Variants in AZIN2 observed in about 807,000 individuals in gnomAD.
The protein encoded by AZIN2 is ODC antizyme inhibitor-2.
In AZIN2, 28 loss-of-function variants were observed where a neutral mutation model predicts 47.8. The ratio of observed to expected loss-of-function variants is 0.59; its 90% CI spans 0.43 to 0.80. The LOEUF is 0.80. AZIN2 is among the 30% of genes least tolerant of loss of function. The pLI is 0.00. For synonymous variants in AZIN2, 221 were observed against 239.4 expected (o/e 0.92, Z 0.71); for missense variants, 535 against 582.5 (o/e 0.92, Z 0.84).
At chr1:33,111,702 A>G (rs1324205255) in intron 10 of AZIN2, among the ~76,000 whole-genome samples, 7 of 151,866 alleles carry the variant, frequency 4.6e-5, no homozygotes, top group African/African-American at 1.7e-4. Context: ...CCCAGGTCCA[A>G]GCAATTCTCC....
At chr1:33,142,058 A>T in the AZIN2 span, 1 of 152,282 alleles carries the variant, frequency 6.6e-6, no homozygotes, top group Non-Finnish European at 1.5e-5. Flanking sequence ...AGGGGAAATA[A>T]CCGTGTCCTG....
intron 10 of AZIN2, among the ~76,000 whole-genome samples, chr1:33,104,759 G>A (rs1481810795): frequency 1.3e-5 from 2 of 152,114 alleles, no homozygotes; most frequent in African/African-American, 4.8e-5. Flanking sequence ...GAGTGCAGTG[G>A]CACAGTCATG....
At chr1:33,093,561 C>T (rs887718634) in intron 7 of AZIN2, 145 bp downstream of exon 7, 1 of 1,191,342 alleles carries the variant, frequency 8.4e-7, no homozygotes, top group East Asian at 2.6e-5. Context: ...AGAATTTCCT[C>T]TGTTTGAAAA....
downstream of AZIN2, among the ~76,000 whole-genome samples, chr1:33,126,856 T>C (rs1347319162): frequency 6.6e-6 from 1 of 152,222 alleles, no homozygotes. Flanking sequence ...TTGCAATATT[T>C]GGGATAGTCT....
intron 7 of AZIN2, among the ~76,000 whole-genome samples, chr1:33,093,731 C>CTTTTT (rs776963959): frequency 7.4e-6 from 1 of 134,674 alleles, no homozygotes; most frequent in African/African-American, 2.8e-5. Flanking sequence ...TTCTTTCTTT[C>CTTTTT]TTTTTTTTTT....
the AZIN2 span, chr1:33,158,238 T>TA: frequency 6.2e-7 from 1 of 1,606,744 alleles, no homozygotes; most frequent in South Asian, 1.1e-5. Flanking sequence ...TGGACCATGA[T>TA]AACCCATGCC....
At position 33,094,653 on chromosome 1, in the gene AZIN2, C is replaced by G. The variant is rs757547727; in HGVS notation, c.693C>G (p.His231Gln). The G allele has an allele frequency of 1.2e-5, 20 of 1,614,150 alleles. No homozygotes were observed. Among genetic ancestry groups the G allele is most frequent in the Non-Finnish European group, 1.6e-5 (19 of 1,180,030 alleles). The change falls in exon 8 of 12, where the codon CAC (histidine) becomes CAG (glutamine). Residue 231 changes from histidine (H) to glutamine (Q), a missense_variant. His to Gln is a conservative substitution (Grantham distance 24, BLOSUM62 0). Transcript: ENST00000294517. ...GCACCGAGCTGGGTCACAAGATGCA[C>G]GTTCTGGACCTTGGTGGTGGCTTCC... Reference protein sequence around the residue: ...EMGTELGHKMHVLDLGGGFPG... With the variant: ...EMGTELGHKMQVLDLGGGFPG...
At chr1:33,159,838 G>A in the AZIN2 span, 8 of 1,613,532 alleles carry the variant, frequency 5.0e-6, no homozygotes, top group East Asian at 2.2e-5. This position sits in a 1 kb window ranked among gnomAD's most constrained non-coding sequence, Gnocchi z 4.2. Flanking sequence ...CGTGCGGGCC[G>A]TGTCCGCCTC....
the AZIN2 span, chr1:33,158,209 G>T: frequency 6.4e-7 from 1 of 1,573,908 alleles, no homozygotes; most frequent in South Asian, 1.1e-5. Context: ...GCTGTGCTGG[G>T]ACATGCCCCA....
In AZIN2 at chr1:33,084,132, G is replaced by A; in HGVS notation, c.279+5G>A. 1 of 1,608,160 alleles carries A rather than the reference G, an allele frequency of 6.2e-7. No individual in the cohort carries two copies. Among genetic ancestry groups the A allele is most frequent in the Non-Finnish European group, 8.5e-7 (1 of 1,179,970 alleles). On this transcript the variant is annotated splice_donor_5th_base_variant and intron_variant, in intron 5 of 11. Coordinates refer to ENST00000294517, the MANE Select transcript of AZIN2 (RefSeq NM_052998.4). ...GGCTTTAGCTGTGCCAACAAGGTGAGCCCTGCCCGCACGGTGCACTGACCC... is the reference window on the plus strand; with the variant it reads ...GGCTTTAGCTGTGCCAACAAGGTGAACCCTGCCCGCACGGTGCACTGACCC...
intron 10 of AZIN2, among the ~76,000 whole-genome samples, chr1:33,108,585 C>T (rs765882950): frequency 4.6e-5 from 7 of 152,156 alleles, no homozygotes; most frequent in Admixed American, 6.5e-5. Flanking sequence ...TCAAGTGATT[C>T]GCCCACCTTG....
chr1:33,118,254 T>A, intron 11 of AZIN2, 138 bp downstream of exon 11: 1 of 963,700 alleles, frequency 1.0e-6, no homozygotes, highest in Non-Finnish European at 1.5e-6. Flanking sequence ...GTGAGGGATG[T>A]GCTTGGCACC....
At chr1:33,115,917 T>C (rs972337467) in intron 10 of AZIN2, among the ~76,000 whole-genome samples, 1 of 152,216 alleles carries the variant, frequency 6.6e-6, no homozygotes, top group Non-Finnish European at 1.5e-5. Context: ...TAGATTCATT[T>C]ATAGAGCATC....
chr1:33,148,104 AG>A, the AZIN2 span, among the ~76,000 whole-genome samples: 5 of 152,064 alleles, frequency 3.3e-5, no homozygotes, highest in African/African-American at 9.7e-5. Context: ...ACTGCCCCCT[AG>A]GGGGAATGGG....
chr1:33,084,894 A>G (rs1641714787), intron 5 of AZIN2, among the ~76,000 whole-genome samples: 2 of 152,182 alleles, frequency 1.3e-5, no homozygotes, highest in South Asian at 4.1e-4. Context: ...GCCACCGCGC[A>G]TAGCCACTTT....
At chr1:33,083,874 G>C in intron 4 of AZIN2, 80 bp from the exon 5 acceptor site, 1 of 1,556,562 alleles carries the variant, frequency 6.4e-7, no homozygotes, top group Non-Finnish European at 8.8e-7. Context: ...CCTGGGTCAG[G>C]TACTTGGAAG....
chr1:33,112,623 A>G (rs2124639781), intron 10 of AZIN2, among the ~76,000 whole-genome samples: 1 of 152,290 alleles, frequency 6.6e-6, no homozygotes, highest in Middle Eastern at 3.4e-3. Context: ...GCACATAGGG[A>G]GTTTCAAAGA....
chr1:33,084,589 C>T (rs1338875050), intron 5 of AZIN2, among the ~76,000 whole-genome samples: 2 of 152,004 alleles, frequency 1.3e-5, no homozygotes, highest in African/African-American at 2.4e-5. Flanking sequence ...CTCCTGCTCT[C>T]TTTAGATTTA....
intron 10 of AZIN2, among the ~76,000 whole-genome samples, chr1:33,114,103 G>A (rs961210683): frequency 3.3e-5 from 5 of 150,538 alleles, no homozygotes; most frequent in African/African-American, 9.7e-5. Flanking sequence ...AAATATTTTT[G>A]TACGAATTAT....
Sources: allele counts gnomAD v4.1 joint callset (sites outside exome capture counted in the v4.1 genomes callset), GRCh38; gene constraint gnomAD v4.1.1; non-coding constraint Gnocchi (gnomAD v3.1); transcripts MANE v1.5; gene names NCBI Gene and HGNC (gene_info 2026-07-23, HGNC 2026-07-21).